The following ACP3 variants were observed in gnomAD, a reference collection of about 807,000 sequenced individuals.
ACP3 encodes the protein acid phosphatase 3.
In ACP3, 38 loss-of-function variants were observed where a neutral mutation model predicts 45.6. The ratio of observed to expected loss-of-function variants is 0.83; its 90% CI spans 0.64 to 1.09. The LOEUF (loss-of-function observed/expected upper bound fraction) is 1.09, where lower values mean the gene tolerates loss of function less well. Among genes scored for constraint, ACP3 ranks in the 50% least tolerant of loss-of-function variants. ACP3 has a pLI of 0.00. For synonymous variants in ACP3, 162 were observed against 164.7 expected (o/e 0.98, Z 0.13); for missense variants, 466 against 463.2 (o/e 1.01, Z -0.05).
At chr3:132,345,240 A>AAATG (rs761361341) in intron 7 of ACP3, among the ~76,000 whole-genome samples, 181 bp downstream of exon 7, 27 of 152,364 alleles carry the variant, frequency 1.8e-4, no homozygotes, top group South Asian at 1.0e-3. Context: ...GTGAGTATTA[A>AAATG]AATGAATGTA....
At chr3:132,354,448 G>C (rs1937830684) in intron 9 of ACP3, among the ~76,000 whole-genome samples, 1 of 152,076 alleles carries the variant, frequency 6.6e-6, no homozygotes, top group African/African-American at 2.4e-5. Flanking sequence ...AATTAACCAA[G>C]GGCCACGTAA....
intron 7 of ACP3, 44 bp from the exon 8 acceptor site, chr3:132,349,876 G>C: frequency 7.3e-7 from 1 of 1,361,856 alleles, no homozygotes; most frequent in Non-Finnish European, 1.0e-6. Context: ...TAAAATAGAA[G>C]CTTATGTTTG....
At chr3:132,364,819 C>T (rs1031425582) in intron 10 of ACP3, among the ~76,000 whole-genome samples, 1 of 152,198 alleles carries the variant, frequency 6.6e-6, no homozygotes, top group South Asian at 2.1e-4. Context: ...TATGACAACA[C>T]AGCCCATAAA....
intron 10 of ACP3, among the ~76,000 whole-genome samples, chr3:132,364,200 G>T (rs977157474): frequency 1.3e-5 from 2 of 151,948 alleles, no homozygotes; most frequent in Admixed American, 1.3e-4. Context: ...AAAAAAATTA[G>T]CTGAGCATGG....
chr3:132,328,265 A>G lies in ACP3; in HGVS notation c.121-2A>G. Reference sequence around the variant, plus strand: ...ACATCACTCTCTCACATCTACTTTCAGGTGTTTCGGCATGGAGACCGAAGT... The same window carrying G: ...ACATCACTCTCTCACATCTACTTTCGGGTGTTTCGGCATGGAGACCGAAGT... On this transcript the variant is annotated splice_acceptor_variant, in intron 1 of 9. Coordinates refer to ENST00000336375, the MANE Select transcript of ACP3 (RefSeq NM_001099.5). LOFTEE classifies it high-confidence loss of function. The G allele has an allele frequency of 6.2e-7, 1 of 1,612,418 alleles. No individual in the cohort carries two copies. The highest frequency in any genetic ancestry group is 1.3e-5 in the African/African-American group (1 of 74,998).
chr3:132,343,404 C>T (rs1159607516), intron 6 of ACP3, among the ~76,000 whole-genome samples: 1 of 152,154 alleles, frequency 6.6e-6, no homozygotes, highest in Admixed American at 6.5e-5. Context: ...AGTTAATTGA[C>T]CCAATCACAT....
downstream of ACP3, among the ~76,000 whole-genome samples, chr3:132,361,255 C>T (rs559141191): frequency 6.6e-6 from 1 of 152,334 alleles, no homozygotes; most frequent in East Asian, 1.9e-4. Flanking sequence ...GCTCCTCCCT[C>T]AAAGATGAGG....
chr3:132,366,584 G>C (rs775089811), intron 10 of ACP3, among the ~76,000 whole-genome samples: 1 of 152,138 alleles, frequency 6.6e-6, no homozygotes, highest in Admixed American at 6.5e-5. Flanking sequence ...GAAGGCTCTG[G>C]GAAGAGCAAA....
chr3:132,318,501 CT>C (rs148179427), intron 1 of ACP3, among the ~76,000 whole-genome samples: 8,431 of 139,444 alleles, frequency 0.06, 283 homozygotes, highest in Middle Eastern at 0.17. Flanking sequence ...AAAGTTCAGG[CT>C]TTTTTTTTTT....
chr3:132,322,752 A>C (rs191275798), intron 1 of ACP3, among the ~76,000 whole-genome samples: 132 of 152,368 alleles, frequency 8.7e-4, no homozygotes, highest in African/African-American at 3.1e-3. Context: ...TGTCCCCTCC[A>C]AAACTCATGT....
At chr3:132,320,752 G>A (rs552832230) in intron 1 of ACP3, among the ~76,000 whole-genome samples, 1 of 151,222 alleles carries the variant, frequency 6.6e-6, no homozygotes, top group South Asian at 2.1e-4. Context: ...CCAGGTTCAA[G>A]TGATTCTCCA....
chr3:132,320,067 A>G (rs1937178055), intron 1 of ACP3, among the ~76,000 whole-genome samples: 2 of 152,200 alleles, frequency 1.3e-5, no homozygotes, highest in Non-Finnish European at 2.9e-5. Context: ...TTCAATAGTC[A>G]AGTTAGCTTT....
chr3:132,364,877 A>G (rs1461322304), intron 10 of ACP3, among the ~76,000 whole-genome samples: 1 of 152,212 alleles, frequency 6.6e-6, no homozygotes, highest in African/African-American at 2.4e-5. Flanking sequence ...ATGAAAATAG[A>G]TTTTTAAGGA....
At chr3:132,342,896 C>T (rs1050207374) in intron 6 of ACP3, among the ~76,000 whole-genome samples, 3 of 134,450 alleles carry the variant, frequency 2.2e-5, no homozygotes, top group Non-Finnish European at 5.0e-5. Context: ...TATGAGTTTC[C>T]ACTTTAGTTT....
At chr3:132,349,711 G>A (rs1457802818) in intron 7 of ACP3, among the ~76,000 whole-genome samples, 1 of 151,772 alleles carries the variant, frequency 6.6e-6, no homozygotes, top group African/African-American at 2.4e-5. Flanking sequence ...CTAAAAATGA[G>A]GGTTGAGACG....
At chr3:132,348,076 C>G (rs1359057613) in intron 7 of ACP3, among the ~76,000 whole-genome samples, 1 of 152,140 alleles carries the variant, frequency 6.6e-6, no homozygotes, top group African/African-American at 2.4e-5. Flanking sequence ...TTCATGCTAC[C>G]ACCGCAGAGC....
In ACP3 at chr3:132,317,526, T is replaced by C. The variant is rs779552796; in HGVS notation, c.70T>C (p.Phe24Leu). 1.9e-6 allele frequency: 3 copies of C among 1,613,840 alleles called. No homozygotes were observed. The highest frequency in any genetic ancestry group is 2.5e-6 in the Non-Finnish European group (3 of 1,179,854). Residue 24 changes from phenylalanine (F) to leucine (L), a missense_variant, in exon 1 of 10, where the codon TTC becomes CTC. Transcript: ENST00000336375. The stretch of plus-strand genomic sequence containing the variant: ...CCTTGGCTTCTTGTTTCTGCTTTTT[T>C]TCTGGCTAGACCGAAGTGTACTAGC... Reference protein sequence around the residue: ...LSLGFLFLLFFWLDRSVLAKE... With the variant: ...LSLGFLFLLFLWLDRSVLAKE...
intron 1 of ACP3, among the ~76,000 whole-genome samples, chr3:132,319,481 A>T (rs1363155735): frequency 2.6e-5 from 4 of 152,344 alleles, no homozygotes; most frequent in African/African-American, 9.6e-5. Flanking sequence ...CAATCCTCTA[A>T]AATAAGGTCG....
At chr3:132,367,883 A>C in exon 11 of ACP3, 1 of 1,246,844 alleles carries the variant, frequency 8.0e-7, no homozygotes, top group Admixed American at 1.7e-5. Context: ...GTGGTGCCGC[A>C]TCTAAAGGAC....
Sources: allele counts gnomAD v4.1 joint callset (sites outside exome capture counted in the v4.1 genomes callset), GRCh38; gene constraint gnomAD v4.1.1; transcripts MANE v1.5; gene names NCBI Gene and HGNC (gene_info 2026-07-23, HGNC 2026-07-21).